The following PDE4B variants were observed in gnomAD, a reference collection of about 807,000 sequenced individuals.
PDE4B encodes the protein phosphodiesterase 4B.
PDE4B carries 20 observed loss-of-function variants against 82.2 expected under a neutral mutation model. The observed-to-expected ratio is 0.24, with a 90% confidence interval of 0.17 to 0.35. The LOEUF is 0.35. PDE4B is among the 10% of genes least tolerant of loss of function. PDE4B has a pLI of 1.00. For synonymous variants in PDE4B, 320 were observed against 318.9 expected, an observed-to-expected ratio of 1.00 and a Z score of -0.04; for missense variants, 655 against 907.2, an observed-to-expected ratio of 0.72 and a Z score of 3.57.
At chr1:66,332,366 A>T (rs1383207345) in intron 7 of PDE4B, 142 bp from the exon 8 acceptor site, 24 of 1,611,818 alleles carry the variant, frequency 1.5e-5, no homozygotes, top group Non-Finnish European at 2.0e-5. Flanking sequence ...AGAGAGCTGG[A>T]AGGAAGGAGC....
intron 3 of PDE4B, among the ~76,000 whole-genome samples, chr1:66,125,444 G>A (rs1420798023): frequency 6.6e-6 from 1 of 152,168 alleles, no homozygotes; most frequent in East Asian, 1.9e-4. Context: ...TTACAGGCGT[G>A]AGCCACCACG....
At chr1:66,251,337 G>A (rs183646717) in intron 4 of PDE4B, among the ~76,000 whole-genome samples, 102 of 152,246 alleles carry the variant, frequency 6.7e-4, no homozygotes, top group South Asian at 3.5e-3. Context: ...GGAACAAGAC[G>A]AACCCAAGAA....
intron 3 of PDE4B, among the ~76,000 whole-genome samples, chr1:66,039,956 G>A (rs1654277319): frequency 6.6e-6 from 1 of 151,958 alleles, no homozygotes; most frequent in Non-Finnish European, 1.5e-5. Context: ...AAAGTCTGTG[G>A]TTTCAGATTC....
intron 3 of PDE4B, among the ~76,000 whole-genome samples, chr1:66,184,613 A>G (rs1336529088): frequency 2.0e-5 from 3 of 152,176 alleles, no homozygotes; most frequent in Admixed American, 1.3e-4. Flanking sequence ...CACTTACTCT[A>G]TGAATTTAGC....
chr1:65,848,230 C>T (rs1646288824), intron 1 of PDE4B, among the ~76,000 whole-genome samples: 1 of 151,968 alleles, frequency 6.6e-6, no homozygotes. Flanking sequence ...CCTCCACCTT[C>T]TGGGTTCAAG....
intron 3 of PDE4B, among the ~76,000 whole-genome samples, chr1:65,927,767 C>T (rs1647589264): frequency 6.6e-6 from 1 of 152,076 alleles, no homozygotes; most frequent in African/African-American, 2.4e-5. Flanking sequence ...GTAGAGGCAG[C>T]TCTAATGGCT....
chr1:66,117,367 G>C (rs1040076509), intron 3 of PDE4B, among the ~76,000 whole-genome samples: 36 of 152,036 alleles, frequency 2.4e-4, no homozygotes, highest in African/African-American at 6.8e-4. Flanking sequence ...CTGTTTATAA[G>C]TGAACACTCT....
chr1:65,847,573 G>T (rs561657807), intron 1 of PDE4B, among the ~76,000 whole-genome samples: 7 of 152,170 alleles, frequency 4.6e-5, no homozygotes, highest in Non-Finnish European at 1.0e-4. Flanking sequence ...TAGCAGAATG[G>T]ATATCTCTAA....
At chr1:66,149,094 A>G (rs1646339414) in intron 3 of PDE4B, among the ~76,000 whole-genome samples, 1 of 152,224 alleles carries the variant, frequency 6.6e-6, no homozygotes, top group Admixed American at 6.5e-5. Context: ...CCCTTCAGCA[A>G]TGAATGAGCA....
chr1:66,057,358 A>G (rs543577842), intron 3 of PDE4B, among the ~76,000 whole-genome samples: 36 of 152,354 alleles, frequency 2.4e-4, no homozygotes, highest in African/African-American at 8.4e-4. Context: ...CTAAAAGAGT[A>G]TTGTACTAAA....
At position 66,247,596 on chromosome 1, in the gene PDE4B, A is replaced by G; in HGVS notation, c.418A>G (p.Ser140Gly). ...RRESFLYRSD[S>G]DYDLSPKAMS... is the part of the protein sequence containing the mutation. ...AGAGTCATTTCTCTACAGATCAGAC[A>G]GCGACTATGACTTGTCACCAAAGGC... The change falls in exon 4 of 17, where the codon AGC (serine) becomes GGC (glycine). Residue 140 changes from serine (S) to glycine (G), a missense_variant. Physicochemically the swap from Ser to Gly is moderately conservative, Grantham distance 56 (BLOSUM62 0). Coordinates refer to ENST00000341517, the MANE Select transcript of PDE4B (RefSeq NM_002600.4). 6.2e-7 allele frequency: 1 copy of G among 1,609,596 alleles called. No homozygotes were observed. Among genetic ancestry groups the G allele is most frequent in the Non-Finnish European group, 8.5e-7 (1 of 1,177,734 alleles).
chr1:65,987,657 G>A (rs1360710856), intron 3 of PDE4B, among the ~76,000 whole-genome samples: 2 of 151,992 alleles, frequency 1.3e-5, no homozygotes, highest in Non-Finnish European at 2.9e-5. Flanking sequence ...TGTCTGCCTG[G>A]GCTGGAGTGC....
intron 3 of PDE4B, among the ~76,000 whole-genome samples, chr1:65,941,654 C>A (rs555540445): frequency 3.3e-5 from 5 of 152,088 alleles, no homozygotes; most frequent in African/African-American, 1.2e-4. Context: ...CTTTCTGGAA[C>A]CAAAATAATT....
At chr1:65,966,192 C>T (rs1194610892) in intron 3 of PDE4B, among the ~76,000 whole-genome samples, 5 of 152,298 alleles carry the variant, frequency 3.3e-5, no homozygotes, top group African/African-American at 1.2e-4. Context: ...TAAGCAACTT[C>T]AGCAAAGTCT....
chr1:65,858,582 GCAATTGGAA>G (rs1557782568), intron 1 of PDE4B, among the ~76,000 whole-genome samples: 1 of 152,122 alleles, frequency 6.6e-6, no homozygotes, highest in African/African-American at 2.4e-5. Flanking sequence ...ATTGTATACA[GCAATTGGAA>G]ATTAGAAAGT....
intron 3 of PDE4B, among the ~76,000 whole-genome samples, chr1:65,973,289 T>G (rs932776036): frequency 6.6e-6 from 1 of 151,862 alleles, no homozygotes; most frequent in Non-Finnish European, 1.5e-5. Flanking sequence ...TATTGATATA[T>G]AAAATATATA....
intron 3 of PDE4B, among the ~76,000 whole-genome samples, chr1:66,095,697 A>C (rs894326981): frequency 6.6e-6 from 1 of 151,944 alleles, no homozygotes; most frequent in Non-Finnish European, 1.5e-5. Flanking sequence ...GTGTAATATC[A>C]TATGTATCAC....
chr1:65,853,594 A>G (rs1031717827), intron 1 of PDE4B, among the ~76,000 whole-genome samples: 1 of 151,768 alleles, frequency 6.6e-6, no homozygotes, highest in Non-Finnish European at 1.5e-5. Flanking sequence ...CAGTGGCACA[A>G]TCTCGACTCA....
intron 3 of PDE4B, among the ~76,000 whole-genome samples, chr1:66,031,457 C>CA (rs1258766289): frequency 1.3e-5 from 2 of 152,030 alleles, no homozygotes; most frequent in Non-Finnish European, 2.9e-5. Flanking sequence ...ATCCAGTTTA[C>CA]AAAAAATGAA....
Sources: allele counts gnomAD v4.1 joint callset (sites outside exome capture counted in the v4.1 genomes callset), GRCh38; gene constraint gnomAD v4.1.1; transcripts MANE v1.5; gene names NCBI Gene and HGNC (gene_info 2026-07-23, HGNC 2026-07-21).